The following KCNIP1 variants were observed in gnomAD, a reference collection of about 807,000 sequenced individuals.
KCNIP1 encodes the protein potassium voltage-gated channel interacting protein 1, also known as A-type potassium channel modulatory protein KCNIP1.
A neutral mutation model predicts 33.0 loss-of-function variants in KCNIP1; 18 were observed. That is an observed-to-expected ratio of 0.55 (90% CI 0.38 to 0.81). KCNIP1 has a LOEUF of 0.81. Ranked by LOEUF, KCNIP1 falls within the 30% of genes least tolerant of loss-of-function variation. The pLI is 0.00. For synonymous variants in KCNIP1, 93 were observed against 98.3 expected (o/e 0.95, Z 0.32); for missense variants, 238 against 271.6 (o/e 0.88, Z 0.87).
At chr5:170,521,762 G>A (rs962144967) in intron 1 of KCNIP1, among the ~76,000 whole-genome samples, 5 of 152,210 alleles carry the variant, frequency 3.3e-5, no homozygotes, top group Middle Eastern at 3.2e-3. Context: ...GTAGGCCTAG[G>A]CTAGAGCAAT....
At chr5:170,456,192 A>T (rs1192786481) in intron 1 of KCNIP1, among the ~76,000 whole-genome samples, 1 of 152,210 alleles carries the variant, frequency 6.6e-6, no homozygotes, top group East Asian at 1.9e-4. Flanking sequence ...CATCATTCTC[A>T]GCAAACTGAC....
intron 1 of KCNIP1, among the ~76,000 whole-genome samples, chr5:170,646,017 T>C (rs1760768464): frequency 6.6e-6 from 1 of 152,182 alleles, no homozygotes; most frequent in Non-Finnish European, 1.5e-5. Context: ...ACCAATTCTT[T>C]AAAGTAAATA....
chr5:170,666,039 C>T (rs1441006058), intron 1 of KCNIP1, among the ~76,000 whole-genome samples: 1 of 152,196 alleles, frequency 6.6e-6, no homozygotes, highest in Non-Finnish European at 1.5e-5. Flanking sequence ...CTCTTACACA[C>T]TGGGCTCTTT....
chr5:170,497,291 A>G (rs535182608), intron 1 of KCNIP1, among the ~76,000 whole-genome samples: 90 of 152,252 alleles, frequency 5.9e-4, no homozygotes, highest in African/African-American at 1.9e-3. Context: ...AAATGCTTCC[A>G]CTCATTTAAT....
intron 1 of KCNIP1, among the ~76,000 whole-genome samples, chr5:170,451,770 T>TGTG (rs1215207951): frequency 2.7e-5 from 4 of 147,610 alleles, no homozygotes; most frequent in South Asian, 2.1e-4. Flanking sequence ...TGTGTGTGTG[T>TGTG]TTGCAGGGGG....
intron 1 of KCNIP1, among the ~76,000 whole-genome samples, chr5:170,464,357 A>T (rs571857530): frequency 1.3e-5 from 2 of 152,314 alleles, no homozygotes; most frequent in Admixed American, 6.5e-5. Flanking sequence ...TCAAAATCCC[A>T]TGGCCATTTT....
chr5:170,397,822 G>A (rs937326283), intron 1 of KCNIP1, among the ~76,000 whole-genome samples: 1 of 152,164 alleles, frequency 6.6e-6, no homozygotes, highest in South Asian at 2.1e-4. Context: ...ACATTTTTGG[G>A]AGACATCAAT....
chr5:170,588,207 G>T (rs78685325), intron 1 of KCNIP1, among the ~76,000 whole-genome samples: 13,178 of 152,208 alleles, frequency 0.087, 643 homozygotes, highest in South Asian at 0.12. Context: ...TTTCTCGGAT[G>T]GACAATTTCT....
chr5:170,606,727 C>T (rs956720381), intron 1 of KCNIP1, among the ~76,000 whole-genome samples: 1 of 152,218 alleles, frequency 6.6e-6, no homozygotes, highest in East Asian at 1.9e-4. Context: ...TTAACCATTA[C>T]CCCACCAGTC....
Position 170,477,492 on chromosome 5 carries a change from G to A in KCNIP1, c.88+123528G>A, listed in dbSNP as rs536831352. Reference sequence around the variant, plus strand: ...CGTTCTGTAGCCCAGGCTGGAGTGCGGTGGCACAGTCTCCACTCACTGCAA... The same window carrying A: ...CGTTCTGTAGCCCAGGCTGGAGTGCAGTGGCACAGTCTCCACTCACTGCAA... On this transcript the variant is annotated intron_variant, in intron 1 of 7. Transcript: ENST00000377360. Among the ~76,000 whole-genome samples, 93 of 152,008 alleles carry A rather than the reference G, an allele frequency of 6.1e-4. 1 individual carries two copies. In the Middle Eastern group the frequency reaches 0.024, roughly 39 times the overall value.
chr5:170,652,532 G>A lies in KCNIP1; in HGVS notation c.62-66226G>A, dbSNP rs55655724. Among the ~76,000 whole-genome samples, 554 of 74,834 alleles carry A rather than the reference G, an allele frequency of 7.4e-3. 8 individuals are homozygous for A. Among genetic ancestry groups the A allele is most frequent in the South Asian group, 0.014 (28 of 2,044 alleles). 49.1% of individuals were successfully genotyped at this position (74,834 alleles called of 152,430 possible). A position where few individuals can be genotyped will look rare whatever the true frequency, so the allele number is the denominator to read the frequency against. On this transcript the variant is annotated intron_variant, in intron 1 of 7. Transcript: ENST00000328939. ...AAGGAAGGAAGGAGAAAAGAAAAAAGAAAAGAAAAGAAAAGAAAAGAAAAA... is the reference window on the plus strand; with the variant it reads ...AAGGAAGGAAGGAGAAAAGAAAAAAAAAAAGAAAAGAAAAGAAAAGAAAAA...
intron 1 of KCNIP1, among the ~76,000 whole-genome samples, chr5:170,523,739 C>T (rs1755458590): frequency 6.6e-6 from 1 of 152,146 alleles, no homozygotes; most frequent in Non-Finnish European, 1.5e-5. Context: ...AGCCAGGCAT[C>T]TGCAAATGCA....
intron 1 of KCNIP1, among the ~76,000 whole-genome samples, chr5:170,430,203 G>A (rs907858591): frequency 2.0e-5 from 3 of 152,202 alleles, no homozygotes; most frequent in Admixed American, 6.5e-5. Flanking sequence ...TGGTGTGGTG[G>A]GCGGAAGGTA....
At chr5:170,531,179 G>A (rs1755774659) in intron 1 of KCNIP1, among the ~76,000 whole-genome samples, 1 of 152,170 alleles carries the variant, frequency 6.6e-6, no homozygotes, top group Non-Finnish European at 1.5e-5. Context: ...GGATGTGGCA[G>A]CAAACAGGTA....
intron 1 of KCNIP1, among the ~76,000 whole-genome samples, chr5:170,360,442 T>C (rs1276285837): frequency 6.6e-6 from 1 of 152,210 alleles, no homozygotes; most frequent in Non-Finnish European, 1.5e-5. Flanking sequence ...CTACTGGAGA[T>C]GGAATGAGAT....
intron 1 of KCNIP1, among the ~76,000 whole-genome samples, chr5:170,560,017 T>C (rs543833745): frequency 5.4e-4 from 82 of 152,150 alleles, no homozygotes; most frequent in Non-Finnish European, 9.7e-4. Context: ...GCTTCTTAAG[T>C]TTGGGGCTAG....
At chr5:170,538,074 A>T (rs1476292970) in intron 1 of KCNIP1, among the ~76,000 whole-genome samples, 2 of 152,212 alleles carry the variant, frequency 1.3e-5, no homozygotes, top group African/African-American at 4.8e-5. Flanking sequence ...GGAGGAAGCT[A>T]CTACAGCCTT....
intron 1 of KCNIP1, chr5:170,376,251 C>A (rs1047053384): frequency 1.3e-5 from 2 of 150,058 alleles, no homozygotes; most frequent in Non-Finnish European, 3.0e-5. Flanking sequence ...AGCTCCGCCT[C>A]CCGGGTTCAC....
chr5:170,479,610 T>C (rs912538319), intron 1 of KCNIP1, among the ~76,000 whole-genome samples: 4 of 152,200 alleles, frequency 2.6e-5, no homozygotes, highest in Non-Finnish European at 4.4e-5. Flanking sequence ...CAGCATGACA[T>C]ACCCCAAGGA....
Sources: gnomAD v4.1 joint callset for allele counts (sites outside exome capture counted in the v4.1 genomes callset) on GRCh38, gnomAD v4.1.1 for gene constraint, MANE v1.5 for transcripts, NCBI Gene and HGNC (gene_info 2026-07-23, HGNC 2026-07-21) for gene names.